BCAS3: variants seen among roughly 807,000 people sequenced by gnomAD.
BCAS3 encodes the protein BCAS3 microtubule associated cell migration factor.
Under a neutral mutation model 116.1 loss-of-function variants are expected in BCAS3, and 53 were observed. That is an observed-to-expected ratio of 0.46 (90% CI 0.37 to 0.57). The LOEUF is 0.57. BCAS3 is among the 20% of genes least tolerant of loss of function. The pLI is 0.00. For synonymous variants in BCAS3, 391 were observed against 408.2 expected, an observed-to-expected ratio of 0.96 and a Z score of 0.51; for missense variants, 917 against 1,165.4, an observed-to-expected ratio of 0.79 and a Z score of 3.10.
Position 61,156,976 on chromosome 17 carries a change from A to G in BCAS3, c.2425+72412A>G, listed in dbSNP as rs1049654595. On this transcript the variant is annotated intron_variant, in intron 22 of 23. Coordinates refer to ENST00000407086, the MANE Select transcript of BCAS3 (RefSeq NM_017679.5). This position sits in a 1 kb window ranked among gnomAD's most constrained non-coding sequence, Gnocchi z 4.7. ...TGAGGCATCACTCTCCTATAAATTT[A>G]GTATTAAATTTCAAAATACGTATTT... Among the ~76,000 whole-genome samples, 6 of 152,262 alleles carry G rather than the reference A, an allele frequency of 3.9e-5. No homozygotes were observed. Among genetic ancestry groups the G allele is most frequent in the African/African-American group, 1.4e-4 (6 of 41,470 alleles).
intron 5 of BCAS3, among the ~76,000 whole-genome samples, chr17:60,714,347 A>G (rs368645450): frequency 6.6e-5 from 10 of 152,184 alleles, no homozygotes; most frequent in South Asian, 6.2e-4. Flanking sequence ...TGCTTCTAGT[A>G]TATGCTCAGG....
intron 20 of BCAS3, among the ~76,000 whole-genome samples, chr17:61,076,432 A>G (rs2071995495): frequency 6.6e-6 from 1 of 152,204 alleles, no homozygotes; most frequent in Non-Finnish European, 1.5e-5. Flanking sequence ...TATTCACAGG[A>G]AGTTCCTTGA....
chr17:60,951,007 A>G (rs547919836), intron 14 of BCAS3, among the ~76,000 whole-genome samples: 14 of 152,330 alleles, frequency 9.2e-5, no homozygotes, highest in African/African-American at 3.1e-4. Flanking sequence ...TTACATTTTA[A>G]TACAGTTAGA....
chr17:60,887,793 T>C (rs1398175781), intron 9 of BCAS3, among the ~76,000 whole-genome samples: 1 of 152,212 alleles, frequency 6.6e-6, no homozygotes, highest in Middle Eastern at 3.2e-3. Flanking sequence ...AGGTCACCTC[T>C]CCATTAGGAC....
chr17:61,156,948 A>C lies in BCAS3; in HGVS notation c.2425+72384A>C, dbSNP rs929496870. 2.0e-5 allele frequency among the ~76,000 whole-genome samples: 3 copies of C among 152,224 alleles called. No individual in the cohort carries two copies. The highest frequency in any genetic ancestry group is 6.5e-5 in the Admixed American group (1 of 15,286). ...AAAACAAATTCTACAACATTTAAAC[A>C]GTTGAGGCATCACTCTCCTATAAAT... On this transcript the variant is annotated intron_variant, in intron 22 of 23. Coordinates refer to ENST00000407086, the MANE Select transcript of BCAS3 (RefSeq NM_017679.5). The surrounding 1 kb of genome is among the most constrained non-coding windows in gnomAD (Gnocchi z 4.7).
intron 9 of BCAS3, 91 bp from the exon 10 acceptor site, chr17:60,889,604 T>G: frequency 3.8e-6 from 4 of 1,046,942 alleles, no homozygotes; most frequent in Non-Finnish European, 5.8e-6. Context: ...TATAAGCATT[T>G]GATTTTTCTG....
chr17:60,894,567 A>G (rs554996294), intron 10 of BCAS3, among the ~76,000 whole-genome samples: 3 of 152,146 alleles, frequency 2.0e-5, no homozygotes, highest in South Asian at 4.2e-4. Context: ...CTTTCTTTCT[A>G]TTGCCTTGTT....
intron 4 of BCAS3, 117 bp from the exon 5 acceptor site, chr17:60,709,102 G>A (rs553923170): frequency 3.6e-6 from 2 of 560,316 alleles, no homozygotes; most frequent in Non-Finnish European, 6.3e-6. Flanking sequence ...GAAGAGAAGA[G>A]AGGATGGTTG....
At chr17:61,061,368 C>T (rs2070012920) in intron 19 of BCAS3, among the ~76,000 whole-genome samples, 2 of 152,148 alleles carry the variant, frequency 1.3e-5, no homozygotes, top group South Asian at 4.1e-4. Context: ...GCCATTTTTA[C>T]ATTTGCAAAC....
intron 8 of BCAS3, among the ~76,000 whole-genome samples, chr17:60,871,368 C>T (rs563719147): frequency 1.3e-5 from 2 of 152,220 alleles, no homozygotes; most frequent in South Asian, 2.1e-4. Flanking sequence ...CAAGGTCCCA[C>T]TGTGTTGTCC....
chr17:60,722,566 T>A (rs1483859887), intron 5 of BCAS3, among the ~76,000 whole-genome samples: 1 of 151,446 alleles, frequency 6.6e-6, no homozygotes, highest in Non-Finnish European at 1.5e-5. Flanking sequence ...ATCAAGACCA[T>A]CCTGGCCAAC....
chr17:61,014,309 CAATT>C (rs2065298797), intron 15 of BCAS3, among the ~76,000 whole-genome samples: 1 of 151,908 alleles, frequency 6.6e-6, no homozygotes, highest in African/African-American at 2.4e-5. Context: ...GTAAACCCAT[CAATT>C]AATAAGACTC....
intron 6 of BCAS3, among the ~76,000 whole-genome samples, chr17:60,755,578 C>T (rs189967298): frequency 6.6e-6 from 1 of 152,300 alleles, no homozygotes; most frequent in East Asian, 1.9e-4. Flanking sequence ...TATACACACA[C>T]TCCATGTACA....
At chr17:60,884,884 T>A (rs2056499045) in intron 9 of BCAS3, among the ~76,000 whole-genome samples, 2 of 131,836 alleles carry the variant, frequency 1.5e-5, no homozygotes, top group South Asian at 4.7e-4. Context: ...AATTGTGGAA[T>A]AGGTGTGGTG....
rs1298501650 is a variant in BCAS3 at position 61,156,765 on chromosome 17, T to A, written c.2425+72201T>A. Among the ~76,000 whole-genome samples the A allele has an allele frequency of 6.6e-6, 1 of 152,158 alleles. No homozygotes were observed. Among genetic ancestry groups the A allele is most frequent in the African/African-American group, 2.4e-5 (1 of 41,438 alleles). On this transcript the variant is annotated intron_variant, in intron 22 of 23. Transcript: ENST00000407086. This position sits in a 1 kb window ranked among gnomAD's most constrained non-coding sequence, Gnocchi z 4.7. ...AAACCATAAGTAACTCCTAAAAAAA[T>A]TCACATGCACACAAAAAATCTGCAG...
At chr17:60,906,515 C>G (rs2058198199) in intron 11 of BCAS3, among the ~76,000 whole-genome samples, 1 of 152,132 alleles carries the variant, frequency 6.6e-6, no homozygotes, top group Admixed American at 6.5e-5. Context: ...TTTTCTAGTT[C>G]CATCTATCAA....
intron 22 of BCAS3, among the ~76,000 whole-genome samples, chr17:61,329,018 C>T (rs1174440373): frequency 6.6e-6 from 1 of 151,610 alleles, no homozygotes; most frequent in Non-Finnish European, 1.5e-5. Flanking sequence ...CCTCAGCCTC[C>T]CGAATAGCTG....
At chr17:60,735,676 A>T (rs988971219) in intron 5 of BCAS3, among the ~76,000 whole-genome samples, 13 of 151,516 alleles carry the variant, frequency 8.6e-5, no homozygotes, top group African/African-American at 3.2e-4. Flanking sequence ...CTTGTCTCAA[A>T]CTCCTGGGTT....
At chr17:61,054,091 G>C (rs542663016) in intron 19 of BCAS3, among the ~76,000 whole-genome samples, 2 of 152,312 alleles carry the variant, frequency 1.3e-5, no homozygotes, top group East Asian at 1.9e-4. Context: ...TGGACTTAAA[G>C]TTTGTATTAG....
Sources: gnomAD v4.1 joint callset for allele counts (sites outside exome capture counted in the v4.1 genomes callset) on GRCh38, gnomAD v4.1.1 for gene constraint, Gnocchi (gnomAD v3.1) non-coding constraint, MANE v1.5 for transcripts, NCBI Gene and HGNC (gene_info 2026-07-23, HGNC 2026-07-21) for gene names.